The following RAB10 variants were observed in gnomAD, a reference collection of about 807,000 sequenced individuals.
RAB10 encodes RAB10, member RAS oncogene family.
In RAB10, 5 loss-of-function variants were observed where a neutral mutation model predicts 25.7. The ratio of observed to expected loss-of-function variants is 0.19; its 90% CI spans 0.10 to 0.41. RAB10 has a LOEUF of 0.41. Ranked by LOEUF, RAB10 falls within the 10% of genes least tolerant of loss-of-function variation. RAB10 has a pLI of 1.00. For missense variants in RAB10, 103 were observed against 245.8 expected (o/e 0.42, Z 3.89); for synonymous variants, 89 against 86.4 (o/e 1.03, Z -0.16).
At chr2:26,052,377 C>T (rs1462483698) in intron 1 of RAB10, among the ~76,000 whole-genome samples, 2 of 151,880 alleles carry the variant, frequency 1.3e-5, no homozygotes, top group African/African-American at 2.4e-5. Context: ...CAGAGTGAGA[C>T]GCATTCTCAA....
At chr2:26,081,089 A>C (rs1261839658) in intron 1 of RAB10, among the ~76,000 whole-genome samples, 3 of 152,108 alleles carry the variant, frequency 2.0e-5, no homozygotes, top group Non-Finnish European at 4.4e-5. Flanking sequence ...GACGGTTTTA[A>C]AAATGGAAGT....
At chr2:26,106,853 C>T (rs1194439131) in intron 2 of RAB10, among the ~76,000 whole-genome samples, 1 of 152,066 alleles carries the variant, frequency 6.6e-6, no homozygotes. Context: ...CCACTGCACT[C>T]CAGCCTGGGC....
chr2:26,128,864 C>T (rs531011651), intron 5 of RAB10, among the ~76,000 whole-genome samples: 2 of 152,226 alleles, frequency 1.3e-5, no homozygotes, highest in East Asian at 1.9e-4. Flanking sequence ...ATTAGGAAAT[C>T]GGATTTTCGT....
chr2:26,049,732 C>G (rs987116515), intron 1 of RAB10, among the ~76,000 whole-genome samples: 1 of 152,048 alleles, frequency 6.6e-6, no homozygotes, highest in African/African-American at 2.4e-5. Context: ...AATCTCATCC[C>G]GCTCTCTGTT....
chr2:26,130,318 T>C (rs1667987367), intron 5 of RAB10, among the ~76,000 whole-genome samples: 1 of 152,086 alleles, frequency 6.6e-6, no homozygotes, highest in African/African-American at 2.4e-5. Context: ...CCTTTTTTTT[T>C]TCTTTTTGTG....
intron 2 of RAB10, among the ~76,000 whole-genome samples, chr2:26,104,808 GC>G (rs1204903530): frequency 1.3e-5 from 2 of 151,148 alleles, no homozygotes; most frequent in African/African-American, 4.9e-5. Flanking sequence ...CGCTATCTCG[GC>G]TCACTGCAAG....
intron 1 of RAB10, among the ~76,000 whole-genome samples, chr2:26,092,928 T>G (rs922556957): frequency 6.6e-6 from 1 of 152,126 alleles, no homozygotes; most frequent in African/African-American, 2.4e-5. Flanking sequence ...TTCTTTTGAT[T>G]GTGTATGAGA....
intron 1 of RAB10, among the ~76,000 whole-genome samples, chr2:26,092,989 C>T (rs1667140700): frequency 6.6e-6 from 1 of 152,024 alleles, no homozygotes; most frequent in Admixed American, 6.6e-5. Context: ...AGCAGACTGG[C>T]TCAAATTAAG....
chr2:26,070,433 A>C (rs1056864719), intron 1 of RAB10, among the ~76,000 whole-genome samples: 1 of 152,208 alleles, frequency 6.6e-6, no homozygotes, highest in African/African-American at 2.4e-5. Context: ...TTTGAACCTC[A>C]AGGATTTTTT....
intron 5 of RAB10, among the ~76,000 whole-genome samples, chr2:26,128,917 T>C (rs1466903847): frequency 6.6e-6 from 1 of 152,208 alleles, no homozygotes; most frequent in African/African-American, 2.4e-5. Flanking sequence ...GATTTGGTTA[T>C]GAGTCCTGAA....
chr2:26,098,282 G>A (rs2149280044), intron 1 of RAB10, among the ~76,000 whole-genome samples: 1 of 151,818 alleles, frequency 6.6e-6, no homozygotes, highest in East Asian at 1.9e-4. Context: ...CACTATGCCT[G>A]GCTAATTTTT....
At chr2:26,060,922 A>C (rs1231298404) in intron 1 of RAB10, among the ~76,000 whole-genome samples, 1 of 152,088 alleles carries the variant, frequency 6.6e-6, no homozygotes, top group Non-Finnish European at 1.5e-5. Flanking sequence ...AACTTTGTTG[A>C]AAAATAGCTT....
At chr2:26,117,165 G>A (rs1334998278) in intron 3 of RAB10, among the ~76,000 whole-genome samples, 1 of 152,142 alleles carries the variant, frequency 6.6e-6, no homozygotes, top group Non-Finnish European at 1.5e-5. Flanking sequence ...GCTTTAGTGT[G>A]TTGCGAATGT....
intron 3 of RAB10, 39 bp from the exon 4 acceptor site, chr2:26,127,105 C>G: frequency 7.1e-7 from 1 of 1,416,790 alleles, no homozygotes; most frequent in Non-Finnish European, 9.8e-7. Flanking sequence ...AGCCGTAATT[C>G]ATGGTAGTAT....
chr2:26,087,459 A>G (rs1205083881), intron 1 of RAB10, among the ~76,000 whole-genome samples: 3 of 152,100 alleles, frequency 2.0e-5, no homozygotes, highest in African/African-American at 4.8e-5. Flanking sequence ...CTGGAGTGCA[A>G]TGGCGCAATC....
chr2:26,090,865 T>C (rs1574547360), intron 1 of RAB10, among the ~76,000 whole-genome samples: 1 of 150,172 alleles, frequency 6.7e-6, no homozygotes, highest in South Asian at 2.1e-4. Context: ...ACCTGAGAGG[T>C]GGAGGTTGCA....
chr2:26,122,422 A>T (rs1667823483), intron 3 of RAB10, among the ~76,000 whole-genome samples: 1 of 152,164 alleles, frequency 6.6e-6, no homozygotes, highest in Non-Finnish European at 1.5e-5. Flanking sequence ...AGGTCAGGAG[A>T]TCGAGACCAT....
rs779292942 is a variant in RAB10 at position 26,034,765 on chromosome 2, C to T, written c.127+30C>T. The T allele has an allele frequency of 1.5e-5, 24 of 1,613,214 alleles. No individual in the cohort carries two copies. The South Asian group carries it at 2.1e-4, about 14-fold the overall frequency. On this transcript the variant is annotated intron_variant, in intron 1 of 5. Transcript: ENST00000264710. ...GACCTGTGGGAGGACGGTGTACGGT[C>T]TCGGTAGCTGCATACCGTTTATTTT...
At chr2:26,128,035 A>T in intron 5 of RAB10, 84 bp downstream of exon 5, 3 of 1,209,244 alleles carry the variant, frequency 2.5e-6, no homozygotes, top group Middle Eastern at 3.9e-4. Context: ...GGATTTACAT[A>T]CAGAATTTGA....
Sources: allele counts gnomAD v4.1 joint callset (sites outside exome capture counted in the v4.1 genomes callset), GRCh38; gene constraint gnomAD v4.1.1; transcripts MANE v1.5; gene names NCBI Gene and HGNC (gene_info 2026-07-23, HGNC 2026-07-21).